LAMA4: variants seen among roughly 807,000 people sequenced by gnomAD.
The protein encoded by LAMA4 is laminin subunit alpha 4.
In LAMA4, 127 loss-of-function variants were observed where a neutral mutation model predicts 207.1. That is an observed-to-expected ratio of 0.61 (90% CI 0.53 to 0.71). LAMA4 has a LOEUF of 0.71. Ranked by LOEUF, LAMA4 falls within the 30% of genes least tolerant of loss-of-function variation. LAMA4 has a pLI of 0.00. For synonymous variants in LAMA4, 761 were observed against 816.0 expected (o/e 0.93, Z 1.15); for missense variants, 2,093 against 2,246.5 (o/e 0.93, Z 1.38).
chr6:112,137,193 A>G (rs1779403480), intron 24 of LAMA4, among the ~76,000 whole-genome samples: 2 of 152,222 alleles, frequency 1.3e-5, no homozygotes. Context: ...GTTTCAGAAG[A>G]TAGTTCATAG....
chr6:112,228,240 T>A (rs1249569761), intron 2 of LAMA4, among the ~76,000 whole-genome samples: 1 of 152,206 alleles, frequency 6.6e-6, no homozygotes, highest in Non-Finnish European at 1.5e-5. Flanking sequence ...GAGAAGATTG[T>A]GCAATAATTC....
intron 18 of LAMA4, among the ~76,000 whole-genome samples, chr6:112,147,228 T>A (rs1478633197): frequency 6.6e-6 from 1 of 152,156 alleles, no homozygotes; most frequent in Non-Finnish European, 1.5e-5. Context: ...ATAATTGAAT[T>A]TCATATAGGC....
At chr6:112,245,316 T>C (rs1554188461) in intron 2 of LAMA4, among the ~76,000 whole-genome samples, 1 of 152,196 alleles carries the variant, frequency 6.6e-6, no homozygotes, top group Admixed American at 6.5e-5. Context: ...GAGGGTTCTA[T>C]AGTCCTAGCA....
Position 112,216,443 on chromosome 6 carries a change from G to C in LAMA4, c.222C>G (p.Thr74=), listed in dbSNP as rs1784629877. Residue 74 remains threonine, a synonymous_variant, in exon 3 of 39, where the codon ACC becomes ACG. Coordinates refer to ENST00000230538, the MANE Select transcript of LAMA4 (RefSeq NM_001105206.3). ...CGCAGGGCACACATTCTCCCGACAG[G>C]GTGTGAAAGAATCCAGCATTGCATT... is the stretch of plus-strand genomic sequence containing the variant. ...AEKCNAGFFH[T]LSGECVPCDC... 6.2e-7 allele frequency: 1 copy of C among 1,613,544 alleles called. No individual in the cohort carries two copies. The highest frequency in any genetic ancestry group is 2.2e-5 in the East Asian group (1 of 44,890).
At chr6:112,113,108 C>A (rs1462306741) in intron 38 of LAMA4, among the ~76,000 whole-genome samples, 1 of 151,958 alleles carries the variant, frequency 6.6e-6, no homozygotes, top group Non-Finnish European at 1.5e-5. Context: ...TTTCATAGTA[C>A]AATAGGGAAA....
chr6:112,175,203 A>G, intron 11 of LAMA4, 110 bp downstream of exon 11: 1 of 1,043,064 alleles, frequency 9.6e-7, no homozygotes, highest in Non-Finnish European at 1.5e-6. Flanking sequence ...AGTTCTGAAC[A>G]CTGGAAATTG....
chr6:112,195,658 G>A (rs1783371643), intron 5 of LAMA4, among the ~76,000 whole-genome samples: 1 of 151,984 alleles, frequency 6.6e-6, no homozygotes, highest in South Asian at 2.1e-4. Flanking sequence ...CTTTTCTTCT[G>A]ATCTTTAAGC....
At chr6:112,166,032 T>C (rs1781365993) in intron 12 of LAMA4, among the ~76,000 whole-genome samples, 1 of 152,122 alleles carries the variant, frequency 6.6e-6, no homozygotes, top group South Asian at 2.1e-4. Context: ...ACAATTTGAG[T>C]GAAAAATGAG....
intron 2 of LAMA4, among the ~76,000 whole-genome samples, chr6:112,244,908 G>A (rs1786801106): frequency 6.6e-6 from 1 of 152,158 alleles, no homozygotes; most frequent in Admixed American, 6.5e-5. Flanking sequence ...GGTCTCTTAT[G>A]AATGGAATTT....
intron 18 of LAMA4, among the ~76,000 whole-genome samples, chr6:112,145,762 A>G (rs1169413932): frequency 2.0e-5 from 3 of 152,142 alleles, no homozygotes; most frequent in South Asian, 2.1e-4. Flanking sequence ...TGTGACATTT[A>G]TAGTACTTAC....
chr6:112,124,274 C>G (rs1778547461), intron 31 of LAMA4, among the ~76,000 whole-genome samples: 1 of 152,122 alleles, frequency 6.6e-6, no homozygotes, highest in Non-Finnish European at 1.5e-5. Context: ...CCACTTAGCT[C>G]TAGGTGCTCA....
intron 31 of LAMA4, among the ~76,000 whole-genome samples, chr6:112,127,276 A>T (rs1373136164): frequency 2.6e-5 from 4 of 151,936 alleles, no homozygotes; most frequent in Non-Finnish European, 5.9e-5. Context: ...AAAAGAATAG[A>T]AAGAGGCAAA....
intron 3 of LAMA4, among the ~76,000 whole-genome samples, chr6:112,210,763 G>A (rs1287729301): frequency 6.6e-6 from 1 of 152,136 alleles, no homozygotes; most frequent in African/African-American, 2.4e-5. Context: ...TGATGCAGAA[G>A]CAGATGGCAG....
chr6:112,231,923 C>A (rs953224908), intron 2 of LAMA4, among the ~76,000 whole-genome samples: 92 of 152,286 alleles, frequency 6.0e-4, no homozygotes, highest in Non-Finnish European at 1.1e-3. Context: ...TGAACTCCCA[C>A]TCTGTCATGT....
At chr6:112,139,730 A>C (rs782214167) in intron 23 of LAMA4, 22 bp downstream of exon 23, 1 of 1,612,408 alleles carries the variant, frequency 6.2e-7, no homozygotes, top group South Asian at 1.1e-5. Context: ...CCAAGTCTTT[A>C]GTACTCTTAA....
chr6:112,132,954 G>A (rs1339162291), intron 27 of LAMA4, 64 bp from the exon 28 acceptor site: 2 of 1,519,518 alleles, frequency 1.3e-6, no homozygotes, highest in African/African-American at 1.4e-5. Context: ...AACTATCAAT[G>A]TTTCACATAC....
At position 112,181,506 on chromosome 6, in the gene LAMA4, C is replaced by A. The variant is rs116162523; in HGVS notation, c.1078-3274G>T. On this transcript the variant is annotated intron_variant, in intron 9 of 38. Transcript: ENST00000230538. ...CAGTTCCAGTCCCAAGAACTTAGCA[C>A]GCTGCTTCACATCTATCTGTTCTCA... 2.0e-5 allele frequency among the ~76,000 whole-genome samples: 3 copies of A among 152,156 alleles called. No individual in the cohort carries two copies. The East Asian group carries it at 5.8e-4, about 29-fold the overall frequency.
At chr6:112,227,727 T>A (rs1237229715) in intron 2 of LAMA4, among the ~76,000 whole-genome samples, 1 of 152,256 alleles carries the variant, frequency 6.6e-6, no homozygotes, top group Non-Finnish European at 1.5e-5. Context: ...AGCTAGCAGC[T>A]GCCTCATCCC....
At position 112,240,302 on chromosome 6, in the gene LAMA4, T is replaced by C. The variant is rs183950977; in HGVS notation, c.195+13654A>G. On this transcript the variant is annotated intron_variant, in intron 2 of 38. Coordinates refer to ENST00000230538, the MANE Select transcript of LAMA4 (RefSeq NM_001105206.3). ...GGTAAATAGTAGGTGTATATATTTA[T>C]GTGGTATGTGAGATGTTTTGATACA... Among the ~76,000 whole-genome samples the C allele has an allele frequency of 2.0e-5, 3 of 152,288 alleles. No individual in the cohort carries two copies. In the East Asian group the frequency reaches 5.8e-4, roughly 29 times the overall value.
Sources: gnomAD v4.1 joint callset for allele counts (sites outside exome capture counted in the v4.1 genomes callset) on GRCh38, gnomAD v4.1.1 for gene constraint, MANE v1.5 for transcripts, NCBI Gene and HGNC (gene_info 2026-07-23, HGNC 2026-07-21) for gene names.